The following STK11IP variants were observed in gnomAD, a reference collection of about 807,000 sequenced individuals.
The protein encoded by STK11IP is serine/threonine-protein kinase 11-interacting protein.
Under a neutral mutation model 131.7 loss-of-function variants are expected in STK11IP, and 103 were observed. The observed-to-expected ratio is 0.78, with a 90% CI of 0.67 to 0.92. The LOEUF is 0.92. STK11IP is among the 40% of genes least tolerant of loss of function. The pLI is 0.00. For missense variants in STK11IP, 1,315 were observed against 1,385.7 expected, an observed-to-expected ratio of 0.95 and a Z score of 0.81; for synonymous variants, 557 against 575.6, an observed-to-expected ratio of 0.97 and a Z score of 0.46.
chr2:219,605,876 A>C, intron 8 of STK11IP, 80 bp from the exon 9 acceptor site: 1 of 1,481,940 alleles, frequency 6.7e-7, no homozygotes. Flanking sequence ...TTTCTGCTGC[A>C]ACCTCCCCCA....
At chr2:219,607,749 T>C (rs1225488438) in intron 13 of STK11IP, among the ~76,000 whole-genome samples, 1 of 151,736 alleles carries the variant, frequency 6.6e-6, no homozygotes, top group African/African-American at 2.4e-5. Context: ...GTTTGAGAAA[T>C]GTGAGGTTGA....
At position 219,605,614 on chromosome 2, in the gene STK11IP, T is replaced by C; in HGVS notation, c.625T>C (p.Cys209Arg). 6.4e-7 allele frequency: 1 copy of C among 1,551,826 alleles called. No homozygotes were observed. The highest frequency in any genetic ancestry group is 8.7e-7 in the Non-Finnish European group (1 of 1,147,058). ...TCCCCTGTACCCCTGCCAGGATTTGTGTGAGCTCCACCATCTGGACATCTC... is the reference window on the plus strand; with the variant it reads ...TCCCCTGTACCCCTGCCAGGATTTGCGTGAGCTCCACCATCTGGACATCTC... ...QDCQGFLMDLCELHHLDISYN... is the reference protein window; with the variant it reads ...QDCQGFLMDLRELHHLDISYN... Residue 209 changes from cysteine to arginine, a missense_variant, in exon 8 of 25, where the codon TGT becomes CGT. By Grantham distance (180) the Cys-to-Arg change is radical. Transcript: ENST00000456909.
At chr2:219,615,508 T>C (rs1698545234) in intron 24 of STK11IP, among the ~76,000 whole-genome samples, 167 bp downstream of exon 24, 1 of 81,012 alleles carries the variant, frequency 1.2e-5, no homozygotes, top group Non-Finnish European at 2.6e-5. Flanking sequence ...ACTCTAGGCT[T>C]GGATGAATAT....
rs750702361 is a variant in STK11IP at position 219,615,100 on chromosome 2, C to T, written c.2876C>T (p.Ser959Phe). 1 of 1,608,828 alleles carries T rather than the reference C, an allele frequency of 6.2e-7. No individual in the cohort carries two copies. Among genetic ancestry groups the T allele is most frequent in the Admixed American group, 1.7e-5 (1 of 59,798 alleles). Residue 959 changes from serine to phenylalanine, a missense_variant, in exon 24 of 25, where the codon TCC becomes TTC. By Grantham distance (155) the Ser-to-Phe change is radical. Coordinates refer to ENST00000456909, the MANE Select transcript of STK11IP (RefSeq NM_052902.4). ...YLRAFLVEGP[S>F]TCLVSLLLTP... ...GATGCCTCTTTCCCTGCAGGCCCTT[C>T]CACCTGCCTCGTATCCCTGTTGCTG...
At chr2:219,614,407 C>T in intron 22 of STK11IP, 69 bp from the exon 23 acceptor site, 2 of 1,567,454 alleles carry the variant, frequency 1.3e-6, no homozygotes, top group Non-Finnish European at 1.8e-6. Flanking sequence ...GGCTTTCTTC[C>T]CACTCCCCTC....
In STK11IP at chr2:219,615,512, T is replaced by A. The variant is rs1017577586; in HGVS notation, c.3117+171T>A. ...GGAACTGGGGGACTCTAGGCTTGGA[T>A]GAATATCAAGTCAGGGAGGCAGCTG... On this transcript the variant is annotated intron_variant, in intron 24 of 24. Transcript: ENST00000456909. Among the ~76,000 whole-genome samples the A allele has an allele frequency of 1.1e-4, 6 of 52,870 alleles. No individual in the cohort carries two copies. In the Admixed American group the frequency reaches 1.3e-3, roughly 11 times the overall value. 34.7% of individuals were successfully genotyped at this position (52,870 alleles called of 152,430 possible).
intron 2 of STK11IP, among the ~76,000 whole-genome samples, chr2:219,599,792 G>C (rs536972149): frequency 3.3e-5 from 5 of 151,730 alleles, no homozygotes; most frequent in Non-Finnish European, 7.4e-5. Flanking sequence ...GGAGTGCAGT[G>C]GTATGATCTC....
rs1331632011 is a variant in STK11IP, at chr2:219,601,358, T to C, written c.185T>C (p.Leu62Pro). Reference sequence around the variant, plus strand: ...CCTGGCCAGACAGGCTTTGTGGCTCTGCCCTCCCATCCTGCCGACTCCCCT... The same window carrying C: ...CCTGGCCAGACAGGCTTTGTGGCTCCGCCCTCCCATCCTGCCGACTCCCCT... The part of the protein sequence containing the change: ...WGPGQTGFVA[L>P]PSHPADSPVI... Residue 62 changes from leucine to proline, a missense_variant, in exon 3 of 25, where the codon CTG becomes CCG. Coordinates refer to ENST00000456909, the MANE Select transcript of STK11IP (RefSeq NM_052902.4). 6.2e-7 allele frequency: 1 copy of C among 1,614,070 alleles called. No individual in the cohort carries two copies.
intron 17 of STK11IP, 171 bp downstream of exon 17, chr2:219,609,711 A>G: frequency 1.3e-6 from 1 of 749,352 alleles, no homozygotes; most frequent in Non-Finnish European, 2.1e-6. Flanking sequence ...ATTTACAAAA[A>G]GGAAAACAGA....
chr2:219,607,474 T>G (rs983882026), intron 13 of STK11IP, among the ~76,000 whole-genome samples: 1 of 151,618 alleles, frequency 6.6e-6, no homozygotes, highest in Non-Finnish European at 1.5e-5. Context: ...CTGGGCAACA[T>G]AGAGAGATGT....
intron 15 of STK11IP, 110 bp from the exon 16 acceptor site, chr2:219,608,987 G>A: frequency 9.4e-7 from 1 of 1,066,564 alleles, no homozygotes; most frequent in Non-Finnish European, 1.4e-6. Flanking sequence ...GTCAGTACAG[G>A]CCTTTGACAG....
rs1334843887 is a variant in STK11IP at position 219,608,253 on chromosome 2, G to A, written c.1426G>A (p.Ala476Thr). 6.2e-7 allele frequency: 1 copy of A among 1,613,580 alleles called. No individual in the cohort carries two copies. The highest frequency in any genetic ancestry group is 8.5e-7 in the Non-Finnish European group (1 of 1,179,860). The change falls in exon 14 of 25, where the codon GCC becomes ACC. Residue 476 changes from alanine to threonine, a missense_variant. By Grantham distance (58) the Ala-to-Thr change is moderately conservative. Transcript: ENST00000456909. Reference sequence around the variant, plus strand: ...CAGACCTTCACCCCCGCAGGAGGAAGCCAGAGGCCCCCAGGAGTCACCACA... The same window carrying A: ...CAGACCTTCACCCCCGCAGGAGGAAACCAGAGGCCCCCAGGAGTCACCACA... The part of the protein sequence containing the change: ...APRPSPPQEE[A>T]RGPQESPQKM...
chr2:219,609,290 G>A (rs1698312271), intron 16 of STK11IP, 73 bp from the exon 17 acceptor site: 1 of 1,581,366 alleles, frequency 6.3e-7, no homozygotes, highest in Middle Eastern at 1.7e-4. Flanking sequence ...CAGGCCTGAG[G>A]GCCGGGGGCC....
intron 7 of STK11IP, among the ~76,000 whole-genome samples, chr2:219,604,830 CTT>C (rs1037544901): frequency 8.5e-5 from 12 of 141,484 alleles, no homozygotes; most frequent in Admixed American, 1.4e-4. Flanking sequence ...GACTTTTTTC[CTT>C]TTTTTTTTTT....
In STK11IP at chr2:219,607,157, C is replaced by T; in HGVS notation, c.1219+20C>T. On this transcript the variant is annotated intron_variant, in intron 13 of 24. Coordinates refer to ENST00000456909, the MANE Select transcript of STK11IP (RefSeq NM_052902.4). ...CGGCTGGTAAGTCAGCTTCATCCCACTAACCTCTCTCGTCCCCAGCGAGCT... is the reference window on the plus strand; with the variant it reads ...CGGCTGGTAAGTCAGCTTCATCCCATTAACCTCTCTCGTCCCCAGCGAGCT... The T allele has an allele frequency of 1.9e-6, 3 of 1,611,750 alleles. No homozygotes were observed. The Admixed American group carries it at 5.0e-5, about 27-fold the overall frequency.
In STK11IP at chr2:219,611,621, C is replaced by T. The variant is rs373066544; in HGVS notation, c.2122C>T (p.Pro708Ser). The change falls in exon 18 of 25, where the codon CCT becomes TCT. Residue 708 changes from proline to serine, a missense_variant. By Grantham distance (74) the Pro-to-Ser change is moderately conservative. Transcript: ENST00000456909. ...CCCTCCAGAATCTCCTGCTGTGTGTCCTAACTGTGGTAGTGACCACGTGGT... is the reference window on the plus strand; with the variant it reads ...CCCTCCAGAATCTCCTGCTGTGTGTTCTAACTGTGGTAGTGACCACGTGGT... ...FQKTESPAVC[P>S]NCGSDHVVLL... is the part of the protein sequence containing the mutation. 49 of 1,612,900 alleles carry T rather than the reference C, an allele frequency of 3.0e-5. No individual in the cohort carries two copies. The African/African-American group carries it at 6.3e-4, about 21-fold the overall frequency.
chr2:219,608,983 A>G (rs112304242), intron 15 of STK11IP, 114 bp from the exon 16 acceptor site: 1 of 1,071,218 alleles, frequency 9.3e-7, no homozygotes, highest in Non-Finnish European at 1.4e-6. Context: ...GGACGTCAGT[A>G]CAGGCCTTTG....
Position 219,614,718 on chromosome 2 carries a change from C to T in STK11IP, c.2869+172C>T, listed in dbSNP as rs1029064280. 6.3e-6 allele frequency: 5 copies of T among 791,870 alleles called. No individual in the cohort carries two copies. The African/African-American group carries it at 8.5e-5, about 14-fold the overall frequency. The allele number at this position is 791,870 out of a possible 1,614,324, so 49.1% of individuals were successfully genotyped here. A position where few individuals can be genotyped will look rare whatever the true frequency, so the allele number is the denominator to read the frequency against. ...GAGTAACAGCCTCAGTGTGCCCTGA[C>T]CCTCTGGGTGGGGTTAGGAGGCACC... is the stretch of plus-strand genomic sequence containing the variant. On this transcript the variant is annotated intron_variant, in intron 23 of 24. Transcript: ENST00000456909.
At chr2:219,614,432 C>T (rs1559188708) in intron 22 of STK11IP, 44 bp from the exon 23 acceptor site, 1 of 1,604,094 alleles carries the variant, frequency 6.2e-7, no homozygotes. Context: ...CAAGTCCTTC[C>T]CACCCGCTAG....
Sources: gnomAD v4.1 joint callset for allele counts (sites outside exome capture counted in the v4.1 genomes callset) on GRCh38, gnomAD v4.1.1 for gene constraint, MANE v1.5 for transcripts, NCBI Gene and HGNC (gene_info 2026-07-23, HGNC 2026-07-21) for gene names.